Variants in ZFYVE28 observed in about 807,000 individuals in gnomAD.
ZFYVE28 encodes the protein zinc finger FYVE-type containing 28, also known as lateral signaling target protein 2 homolog.
A neutral mutation model predicts 82.1 loss-of-function variants in ZFYVE28; 40 were observed. The observed-to-expected ratio is 0.49, with a 90% CI of 0.38 to 0.63. The LOEUF (loss-of-function observed/expected upper bound fraction) is 0.63, where lower values mean the gene tolerates loss of function less well. Among genes scored for constraint, ZFYVE28 ranks in the 30% least tolerant of loss-of-function variants. ZFYVE28 has a pLI of 0.00. For missense variants in ZFYVE28, 1,321 were observed against 1,242.1 expected, an observed-to-expected ratio of 1.06 and a Z score of -0.96; for synonymous variants, 612 against 546.1, an observed-to-expected ratio of 1.12 and a Z score of -1.68.
chr4:2,347,371 C>G (rs138918345), intron 2 of ZFYVE28, among the ~76,000 whole-genome samples: 60 of 152,280 alleles, frequency 3.9e-4, no homozygotes, highest in Non-Finnish European at 7.4e-4. Flanking sequence ...AACAGAAAAT[C>G]AGCAAGGATA....
chr4:2,331,213 C>G (rs1259027729), intron 6 of ZFYVE28, among the ~76,000 whole-genome samples: 1 of 151,790 alleles, frequency 6.6e-6, no homozygotes, highest in Admixed American at 6.6e-5. Flanking sequence ...GTCTGGGAAG[C>G]GTCGCACACA....
chr4:2,379,078 G>C (rs966185857), intron 1 of ZFYVE28, among the ~76,000 whole-genome samples: 2 of 152,186 alleles, frequency 1.3e-5, no homozygotes, highest in Non-Finnish European at 2.9e-5. Flanking sequence ...CATGACAGCA[G>C]GGGGTAGACG....
At chr4:2,329,109 G>A (rs1240391446) in intron 6 of ZFYVE28, 5 of 699,972 alleles carry the variant, frequency 7.1e-6, no homozygotes, top group Admixed American at 4.0e-5. Context: ...GCCCATTGCA[G>A]TTCCACATGA....
intron 7 of ZFYVE28, chr4:2,319,129 C>G (rs1231991252): frequency 6.6e-6 from 1 of 152,382 alleles, no homozygotes; most frequent in Non-Finnish European, 1.5e-5. Context: ...CCTGTAAGAC[C>G]CCCATATGTG....
intron 1 of ZFYVE28, among the ~76,000 whole-genome samples, chr4:2,355,269 T>G (rs1311150747): frequency 1.9e-5 from 1 of 52,812 alleles, no homozygotes; most frequent in Admixed American, 2.2e-4. Flanking sequence ...TATATATATA[T>G]ATAATGATTC....
chr4:2,356,835 C>T (rs757242423), intron 1 of ZFYVE28, among the ~76,000 whole-genome samples: 2 of 152,190 alleles, frequency 1.3e-5, no homozygotes, highest in Non-Finnish European at 2.9e-5. Context: ...TTGTAGCTGT[C>T]AACTTACAGA....
intron 7 of ZFYVE28, among the ~76,000 whole-genome samples, chr4:2,314,394 A>C (rs1383337110): frequency 1.3e-5 from 2 of 152,198 alleles, no homozygotes; most frequent in African/African-American, 4.8e-5. Context: ...ATTTGTATTT[A>C]ATGTAATCAC....
chr4:2,333,247 C>A (rs1473817847), intron 6 of ZFYVE28, among the ~76,000 whole-genome samples: 3 of 128,018 alleles, frequency 2.3e-5, no homozygotes, highest in African/African-American at 9.0e-5. Flanking sequence ...TCCCTGACCC[C>A]CCACACTCCC....
At chr4:2,330,417 C>T (rs554454803) in intron 6 of ZFYVE28, 40 of 1,040,986 alleles carry the variant, frequency 3.8e-5, no homozygotes, top group African/African-American at 2.1e-4. Context: ...GAGGACAGCA[C>T]GGAAGAGGGG....
chr4:2,377,478 T>C (rs1429181309), intron 1 of ZFYVE28, among the ~76,000 whole-genome samples: 9 of 152,202 alleles, frequency 5.9e-5, no homozygotes, highest in Admixed American at 5.9e-4. Flanking sequence ...ATGTACATCT[T>C]ATAATAGGAA....
intron 1 of ZFYVE28, among the ~76,000 whole-genome samples, chr4:2,397,401 C>T (rs2108930586): frequency 6.6e-6 from 1 of 151,580 alleles, no homozygotes; most frequent in East Asian, 1.9e-4. Context: ...TCGCTTGAAC[C>T]CAGGAGGTGG....
chr4:2,389,249 C>T (rs1351683650), intron 1 of ZFYVE28, among the ~76,000 whole-genome samples: 1 of 152,212 alleles, frequency 6.6e-6, no homozygotes, highest in African/African-American at 2.4e-5. Flanking sequence ...GGAGGTGTTC[C>T]GGCTTCCGTG....
At chr4:2,344,231 G>A (rs1320172934) in intron 2 of ZFYVE28, among the ~76,000 whole-genome samples, 3 of 152,200 alleles carry the variant, frequency 2.0e-5, no homozygotes, top group Non-Finnish European at 4.4e-5. Context: ...TCTGGGGAAG[G>A]TTTCAAGGGT....
intron 1 of ZFYVE28, among the ~76,000 whole-genome samples, chr4:2,383,868 C>T (rs564587998): frequency 6.6e-6 from 1 of 152,294 alleles, no homozygotes; most frequent in Admixed American, 6.5e-5. Flanking sequence ...CAGACACTCG[C>T]TCTCCAGGAG....
intron 1 of ZFYVE28, among the ~76,000 whole-genome samples, chr4:2,404,036 A>G (rs1161006108): frequency 6.6e-6 from 1 of 150,830 alleles, no homozygotes; most frequent in Non-Finnish European, 1.5e-5. Flanking sequence ...AAAGCTGAAG[A>G]TGGGCCGGGC....
chr4:2,355,635 T>C (rs909440541), intron 1 of ZFYVE28, among the ~76,000 whole-genome samples: 1 of 151,862 alleles, frequency 6.6e-6, no homozygotes, highest in East Asian at 1.9e-4. Context: ...TGGAGTACAG[T>C]GGCATGAGCA....
rs375076072 is a variant in ZFYVE28 at position 2,320,230 on chromosome 4, C to T, written c.743G>A (p.Arg248His). 6 of 1,613,864 alleles carry T rather than the reference C, an allele frequency of 3.7e-6. No homozygotes were observed. The highest frequency in any genetic ancestry group is 1.3e-5 in the African/African-American group (1 of 74,846). Reference protein sequence around the residue: ...VYADGPLNLDRKVEDMSELFR... With the variant: ...VYADGPLNLDHKVEDMSELFR... ...CAGCTCGGACATGTCTTCCACCTTG[C>T]GGTCCAAGTTCAGAGGTCCGTCCGC... Residue 248 changes from arginine (R) to histidine (H), a missense_variant, in exon 7 of 13, where the codon CGC becomes CAC. This residue lies in a region of ZFYVE28 where 343 missense variants were observed against 408.4 expected (regional missense o/e 0.84). Transcript: ENST00000290974. The surrounding 1 kb of genome is among the most constrained non-coding windows in gnomAD (Gnocchi z 5.1).
At chr4:2,389,610 C>T (rs1729617141) in intron 1 of ZFYVE28, among the ~76,000 whole-genome samples, 3 of 152,218 alleles carry the variant, frequency 2.0e-5, no homozygotes, top group African/African-American at 7.2e-5. Flanking sequence ...TTTGCATCCC[C>T]CAGGACACAG....
intron 1 of ZFYVE28, among the ~76,000 whole-genome samples, chr4:2,385,865 C>G (rs571393806): frequency 1.6e-4 from 25 of 152,348 alleles, no homozygotes; most frequent in Non-Finnish European, 2.5e-4. Context: ...CCATCTGGTT[C>G]TCCGGGAAGT....
Sources: allele counts gnomAD v4.1 joint callset (sites outside exome capture counted in the v4.1 genomes callset), GRCh38; gene constraint gnomAD v4.1.1; regional missense constraint gnomAD v4.1.1; non-coding constraint Gnocchi (gnomAD v3.1); transcripts MANE v1.5; gene names NCBI Gene and HGNC (gene_info 2026-07-23, HGNC 2026-07-21).